The following TRERF1 variants were observed in gnomAD, a reference collection of about 807,000 sequenced individuals.
TRERF1 encodes the protein transcriptional regulating factor 1, also known as transcriptional-regulating factor 1.
A neutral mutation model predicts 122.9 loss-of-function variants in TRERF1; 27 were observed. The observed-to-expected ratio is 0.22, with a 90% confidence interval of 0.16 to 0.30. The LOEUF is 0.30. Ranked by LOEUF, TRERF1 falls within the 10% of genes least tolerant of loss-of-function variation. The pLI, the probability that TRERF1 is intolerant of heterozygous loss-of-function variation, is 1.00. For missense variants in TRERF1, 1,248 were observed against 1,560.3 expected (o/e 0.80, Z 3.37); for synonymous variants, 636 against 641.7 (o/e 0.99, Z 0.13).
intron 3 of TRERF1, among the ~76,000 whole-genome samples, chr6:42,311,765 CAAAAAAAAAAAAA>C (rs10530333): frequency 1.7e-4 from 6 of 34,596 alleles, no homozygotes; most frequent in African/African-American, 2.5e-4. Context: ...GACTCCGTCT[CAAAAAAAAAAAAA>C]AAAAAAAAAA....
chr6:42,416,421 C>T (rs1340724006), intron 2 of TRERF1, among the ~76,000 whole-genome samples: 5 of 152,124 alleles, frequency 3.3e-5, no homozygotes, highest in Non-Finnish European at 7.4e-5. Flanking sequence ...TTATTAGAAA[C>T]GGATGTGTAA....
At chr6:42,396,300 C>T (rs1029599369) in intron 2 of TRERF1, among the ~76,000 whole-genome samples, 1 of 152,078 alleles carries the variant, frequency 6.6e-6, no homozygotes, top group Non-Finnish European at 1.5e-5. Context: ...TTGCTCCGAC[C>T]GACTGAAACA....
chr6:42,418,262 C>CTTTTTTTTT (rs1782191831), intron 2 of TRERF1, among the ~76,000 whole-genome samples: 1 of 5,468 alleles, frequency 1.8e-4, no homozygotes, highest in Non-Finnish European at 4.3e-4. Flanking sequence ...CTCTTTCTTT[C>CTTTTTTTTT]TTTCTTTTTT....
intron 2 of TRERF1, among the ~76,000 whole-genome samples, chr6:42,363,355 G>A (rs750159985): frequency 3.3e-5 from 5 of 152,134 alleles, no homozygotes; most frequent in Non-Finnish European, 5.9e-5. Context: ...CACACCCCAC[G>A]TCTAATCCAT....
intron 2 of TRERF1, among the ~76,000 whole-genome samples, chr6:42,386,751 G>C (rs1052968748): frequency 6.6e-6 from 1 of 152,300 alleles, no homozygotes; most frequent in East Asian, 1.9e-4. Flanking sequence ...CTCTGGAGCT[G>C]GGGGGTTGCA....
At chr6:42,264,374 C>T (rs1778772250) in intron 7 of TRERF1, among the ~76,000 whole-genome samples, 1 of 152,232 alleles carries the variant, frequency 6.6e-6, no homozygotes, top group Non-Finnish European at 1.5e-5. Flanking sequence ...TGGGCCTGGT[C>T]TTGGGTGTGT....
intron 4 of TRERF1, among the ~76,000 whole-genome samples, chr6:42,272,749 C>T (rs1482593696): frequency 6.6e-6 from 1 of 152,130 alleles, no homozygotes; most frequent in East Asian, 1.9e-4. Flanking sequence ...AATGCTCTGG[C>T]CCACTGGGGC....
intron 3 of TRERF1, among the ~76,000 whole-genome samples, chr6:42,313,985 A>G (rs962331629): frequency 6.6e-6 from 1 of 152,060 alleles, no homozygotes; most frequent in African/African-American, 2.4e-5. Context: ...GGAAGCCGGG[A>G]GAGATGAGAA....
At chr6:42,273,292 G>C (rs182458003) in intron 4 of TRERF1, among the ~76,000 whole-genome samples, 63 of 152,084 alleles carry the variant, frequency 4.1e-4, no homozygotes, top group Middle Eastern at 3.4e-3. Flanking sequence ...TTTTACCTAG[G>C]AGTCTCTTCC....
At chr6:42,288,938 A>G (rs924100432) in intron 4 of TRERF1, among the ~76,000 whole-genome samples, 1 of 147,706 alleles carries the variant, frequency 6.8e-6, no homozygotes, top group Non-Finnish European at 1.5e-5. Flanking sequence ...GGAAACCATT[A>G]AAGTATCTTG....
At chr6:42,277,668 T>G (rs1451437948) in intron 4 of TRERF1, among the ~76,000 whole-genome samples, 1 of 151,990 alleles carries the variant, frequency 6.6e-6, no homozygotes, top group Admixed American at 6.6e-5. Context: ...CTAGGCAACA[T>G]AGTGAGACCC....
At chr6:42,447,614 T>G (rs1787743935) in intron 2 of TRERF1, among the ~76,000 whole-genome samples, 1 of 152,242 alleles carries the variant, frequency 6.6e-6, no homozygotes, top group Admixed American at 6.5e-5. Context: ...TGAGCTGAAT[T>G]CAACCGCCTT....
chr6:42,410,723 T>C (rs1040896287), intron 2 of TRERF1, among the ~76,000 whole-genome samples: 1 of 152,174 alleles, frequency 6.6e-6, no homozygotes, highest in Admixed American at 6.5e-5. Flanking sequence ...CAGGACTCAG[T>C]GCCCTGAGGA....
chr6:42,445,353 G>GACACACAGAC (rs1456072507), intron 2 of TRERF1, among the ~76,000 whole-genome samples: 278 of 86,712 alleles, frequency 3.2e-3, no homozygotes, highest in Middle Eastern at 6.9e-3. Flanking sequence ...TACACACACA[G>GACACACAGAC]ACACACACAC....
intron 2 of TRERF1, among the ~76,000 whole-genome samples, chr6:42,441,562 C>T (rs9381175): frequency 0.26 from 38,992 of 152,042 alleles, 6,154 homozygotes; most frequent in Admixed American, 0.36. Flanking sequence ...AAATATTTCT[C>T]AGGTCTGGTC....
chr6:42,414,744 C>T lies in TRERF1; in HGVS notation c.-454+36433G>A, dbSNP rs149702427. Among the ~76,000 whole-genome samples the T allele has an allele frequency of 1.2e-4, 19 of 152,330 alleles. No individual in the cohort carries two copies. The East Asian group carries it at 2.9e-3, about 23-fold the overall frequency. On this transcript the variant is annotated intron_variant, in intron 2 of 17. Transcript: ENST00000372922. ...TTATCTTCTATTCTTTTGTTTCACA[C>T]GGTGTCAAAACCCACTAAGGTATTT... is the stretch of plus-strand genomic sequence containing the variant.
At chr6:42,236,780 T>C (rs1772332353) in intron 15 of TRERF1, among the ~76,000 whole-genome samples, 1 of 152,236 alleles carries the variant, frequency 6.6e-6, no homozygotes, top group South Asian at 2.1e-4. Flanking sequence ...TAAGTAGCTC[T>C]GTCTCCTCAC....
intron 2 of TRERF1, among the ~76,000 whole-genome samples, chr6:42,394,431 T>C (rs997343226): frequency 1.3e-5 from 2 of 152,208 alleles, no homozygotes; most frequent in African/African-American, 4.8e-5. Context: ...TGCTGTGCAG[T>C]AAGCCAGGGC....
intron 14 of TRERF1, 145 bp downstream of exon 14, chr6:42,246,310 CT>C: frequency 1.5e-6 from 1 of 658,218 alleles, no homozygotes; most frequent in Non-Finnish European, 2.6e-6. Context: ...CATACCACCC[CT>C]ATCTCCACTA....
Sources: gnomAD v4.1 joint callset for allele counts (sites outside exome capture counted in the v4.1 genomes callset) on GRCh38, gnomAD v4.1.1 for gene constraint, MANE v1.5 for transcripts, NCBI Gene and HGNC (gene_info 2026-07-23, HGNC 2026-07-21) for gene names.